The following METTL17 variants were observed in gnomAD, a reference collection of about 807,000 sequenced individuals.
METTL17 encodes ribosome assembly protein METTL17, mitochondrial.
A neutral mutation model predicts 59.4 loss-of-function variants in METTL17; 49 were observed. The ratio of observed to expected loss-of-function variants is 0.82; its 90% CI spans 0.66 to 1.05. The LOEUF is 1.05. Among genes scored for constraint, METTL17 ranks in the 50% least tolerant of loss-of-function variants. The pLI is 0.00. For synonymous variants in METTL17, 208 were observed against 209.2 expected (o/e 0.99, Z 0.05); for missense variants, 555 against 578.4 (o/e 0.96, Z 0.41).
chr14:20,991,983 C>T, intron 3 of METTL17, 141 bp from the exon 4 acceptor site: 1 of 692,412 alleles, frequency 1.4e-6, no homozygotes, highest in East Asian at 2.8e-5. Context: ...TGAAACTTTT[C>T]TCTAGGTTTG....
chr14:20,991,878 G>A, intron 3 of METTL17: 1 of 387,960 alleles, frequency 2.6e-6, no homozygotes, highest in Non-Finnish European at 4.6e-6. Context: ...ACAAACCTGT[G>A]GGACAGGATT....
In METTL17 at chr14:20,992,564, T is replaced by C; in HGVS notation, c.470T>C (p.Val157Ala). The change falls in exon 5 of 14, where the codon GTG becomes GCG. Residue 157 changes from valine to alanine, a missense_variant. Coordinates refer to ENST00000339374, the MANE Select transcript of METTL17 (RefSeq NM_022734.3). Reference sequence around the variant, plus strand: ...AGCTACACTGAGGGACTGAGCCTGGTGTATATGGCAGCAAGACTGGATGGT... The same window carrying C: ...AGCTACACTGAGGGACTGAGCCTGGCGTATATGGCAGCAAGACTGGATGGT... The part of the protein sequence containing the change: ...ELSYTEGLSL[V>A]YMAARLDGGF... 1 of 1,614,028 alleles carries C rather than the reference T, an allele frequency of 6.2e-7. No individual in the cohort carries two copies. Among genetic ancestry groups the C allele is most frequent in the Non-Finnish European group, 8.5e-7 (1 of 1,179,910 alleles).
Position 20,994,940 on chromosome 14 carries a change from A to G in METTL17, c.876+39A>G, listed in dbSNP as rs372491506. 94 of 1,489,426 alleles carry G rather than the reference A, an allele frequency of 6.3e-5. 1 individual carries two copies. The African/African-American group carries it at 9.8e-4, about 16-fold the overall frequency. 92.3% of individuals were successfully genotyped at this position (1,489,426 alleles called of 1,614,324 possible). On this transcript the variant is annotated intron_variant, in intron 9 of 13. Coordinates refer to ENST00000339374, the MANE Select transcript of METTL17 (RefSeq NM_022734.3). ...CCTTGTTCTCCTTAAGTCTTGAAGC[A>G]GCTTCATGGATTTCATGCCTTTGCT...
intron 3 of METTL17, among the ~76,000 whole-genome samples, chr14:20,991,042 A>C (rs1880007335): frequency 6.6e-6 from 1 of 152,104 alleles, no homozygotes; most frequent in South Asian, 2.1e-4. Flanking sequence ...TGGCCAGGCT[A>C]GTCTCGAACT....
Position 20,989,986 on chromosome 14 carries a change from G to A in METTL17, c.-17G>A. ...CACAGGCACCTGTATTTCCGTTTCCGGTTCGCCTCCGGAGCCATGGCGGCG... is the reference window on the plus strand; with the variant it reads ...CACAGGCACCTGTATTTCCGTTTCCAGTTCGCCTCCGGAGCCATGGCGGCG... On this transcript the variant is annotated 5_prime_UTR_variant, in exon 1 of 14. Transcript: ENST00000339374. 1.3e-6 allele frequency: 2 copies of A among 1,572,986 alleles called. No homozygotes were observed. The highest frequency in any genetic ancestry group is 1.7e-6 in the Non-Finnish European group (2 of 1,158,086).
chr14:20,994,589 A>G lies in METTL17; in HGVS notation c.744A>G (p.Arg248=). Residue 248 remains arginine, a synonymous_variant, in exon 8 of 14, where the codon AGA becomes AGG. Coordinates refer to ENST00000339374, the MANE Select transcript of METTL17 (RefSeq NM_022734.3). The stretch of plus-strand genomic sequence containing the variant: ...CTTATATTCCAGGTGTCTTTTTCAG[A>G]CAGTTTCTACCTGTATCACCCAAGG... The part of the protein sequence containing the change: ...GEPYIPGVFF[R]QFLPVSPKVQ... 5 of 1,614,184 alleles carry G rather than the reference A, an allele frequency of 3.1e-6. No individual in the cohort carries two copies. The highest frequency in any genetic ancestry group is 4.2e-6 in the Non-Finnish European group (5 of 1,180,004).
intron 6 of METTL17, chr14:20,993,553 G>A: frequency 8.0e-6 from 2 of 250,760 alleles, no homozygotes; most frequent in Non-Finnish European, 1.5e-5. Context: ...TCGGCTCACT[G>A]CAGCCTCCAC....
intron 8 of METTL17, 46 bp from the exon 9 acceptor site, chr14:20,994,748 G>A (rs1880258423): frequency 6.5e-7 from 1 of 1,544,312 alleles, no homozygotes; most frequent in Non-Finnish European, 9.0e-7. Flanking sequence ...GTATTCTTGG[G>A]ATGTAGAGAT....
Position 20,990,395 on chromosome 14 carries a change from C to T in METTL17, c.229+12C>T. On this transcript the variant is annotated intron_variant, in intron 2 of 13. Transcript: ENST00000339374. Reference sequence around the variant, plus strand: ...GTTATTGCTACTTGGTGAGTAACGGCGGGAAAGCGAGAAGAAACGGGACTG... The same window carrying T: ...GTTATTGCTACTTGGTGAGTAACGGTGGGAAAGCGAGAAGAAACGGGACTG... The T allele has an allele frequency of 1.9e-6, 3 of 1,613,448 alleles. No homozygotes were observed. Among genetic ancestry groups the T allele is most frequent in the South Asian group, 2.2e-5 (2 of 91,062 alleles).
At chr14:20,994,443 C>T (rs1880239154) in intron 7 of METTL17, 100 bp from the exon 8 acceptor site, 2 of 1,021,598 alleles carry the variant, frequency 2.0e-6, no homozygotes, top group Non-Finnish European at 3.1e-6. Context: ...TTTTGATATA[C>T]ACTTTACCTA....
At chr14:20,994,745 T>C in intron 8 of METTL17, 49 bp from the exon 9 acceptor site, 1 of 1,547,684 alleles carries the variant, frequency 6.5e-7, no homozygotes, top group Non-Finnish European at 8.9e-7. Context: ...GTTGTATTCT[T>C]GGGATGTAGA....
rs1353470200 is a variant in METTL17, at chr14:20,994,575, G to T, written c.730G>T (p.Gly244Cys). ...GSESGEPYIPGVFFRQFLPVS... is the reference protein window; with the variant it reads ...GSESGEPYIPCVFFRQFLPVS... Reference sequence around the variant, plus strand: ...AGAATCTGGGGAGCCTTATATTCCAGGTGTCTTTTTCAGACAGTTTCTACC... The same window carrying T: ...AGAATCTGGGGAGCCTTATATTCCATGTGTCTTTTTCAGACAGTTTCTACC... The change falls in exon 8 of 14, where the codon GGT becomes TGT. Residue 244 changes from glycine to cysteine, a missense_variant. Transcript: ENST00000339374. The T allele has an allele frequency of 1.9e-6, 3 of 1,614,162 alleles. No individual in the cohort carries two copies. The East Asian group carries it at 6.7e-5, about 36-fold the overall frequency.
Position 20,990,046 on chromosome 14 carries a change from G to T in METTL17, c.44G>T (p.Cys15Phe). The change falls in exon 1 of 14, where the codon TGC becomes TTC. Residue 15 changes from cysteine (C) to phenylalanine (F), a missense_variant. Coordinates refer to ENST00000339374, the MANE Select transcript of METTL17 (RefSeq NM_022734.3). The stretch of plus-strand genomic sequence containing the variant: ...TGTCTACTGACATTAGGAAGATGGT[G>T]CCCCGGCCTTGGAGTGGCTCCCCAG... Reference protein sequence around the residue: ...LKCLLTLGRWCPGLGVAPQAR... With the variant: ...LKCLLTLGRWFPGLGVAPQAR... The T allele has an allele frequency of 6.2e-7, 1 of 1,613,260 alleles. No individual in the cohort carries two copies. The highest frequency in any genetic ancestry group is 8.5e-7 in the Non-Finnish European group (1 of 1,179,884).
Position 20,990,049 on chromosome 14 carries a change from C to A in METTL17, c.47C>A (p.Pro16His). 1 of 1,613,322 alleles carries A rather than the reference C, an allele frequency of 6.2e-7. No homozygotes were observed. The highest frequency in any genetic ancestry group is 1.7e-5 in the Admixed American group (1 of 60,020). Residue 16 changes from proline (P) to histidine (H), a missense_variant, in exon 1 of 14, where the codon CCC becomes CAC. By Grantham distance (77) the Pro-to-His change is moderately conservative. Transcript: ENST00000339374. Reference sequence around the variant, plus strand: ...CTACTGACATTAGGAAGATGGTGCCCCGGCCTTGGAGTGGCTCCCCAGGCC... The same window carrying A: ...CTACTGACATTAGGAAGATGGTGCCACGGCCTTGGAGTGGCTCCCCAGGCC... ...KCLLTLGRWC[P>H]GLGVAPQARA... is the part of the protein sequence containing the mutation.
chr14:20,995,841 T>G, intron 10 of METTL17, 60 bp from the exon 11 acceptor site: 2 of 1,402,158 alleles, frequency 1.4e-6, no homozygotes, highest in South Asian at 2.3e-5. Context: ...AGTGCAGAGA[T>G]TGAATTATGA....
chr14:20,990,086 C>T lies in METTL17; in HGVS notation c.75+9C>T. 6.2e-7 allele frequency: 1 copy of T among 1,612,932 alleles called. No homozygotes were observed. Among genetic ancestry groups the T allele is most frequent in the Non-Finnish European group, 8.5e-7 (1 of 1,180,022 alleles). Reference sequence around the variant, plus strand: ...TGGCTCCCCAGGCCCGGGTGAGTGCCTACATTCCCTGCTGTCGGAGAGACT... The same window carrying T: ...TGGCTCCCCAGGCCCGGGTGAGTGCTTACATTCCCTGCTGTCGGAGAGACT... On this transcript the variant is annotated intron_variant, in intron 1 of 13. Transcript: ENST00000339374.
rs144245947 is a variant in METTL17 at position 20,993,134 on chromosome 14, C to T, written c.545C>T (p.Pro182Leu). ...RAFHEIRARN[P>L]AFQPQTLMDF... ...TTTCTTCAGATCCGGGCTCGAAATC[C>T]AGCATTTCAGCCACAAACTTTGATG... is the stretch of plus-strand genomic sequence containing the variant. The change falls in exon 6 of 14, where the codon CCA (proline) becomes CTA (leucine). Residue 182 changes from proline to leucine, a missense_variant. Coordinates refer to ENST00000339374, the MANE Select transcript of METTL17 (RefSeq NM_022734.3). The T allele has an allele frequency of 1.9e-6, 3 of 1,614,132 alleles. No individual in the cohort carries two copies. The highest frequency in any genetic ancestry group is 2.5e-6 in the Non-Finnish European group (3 of 1,180,010).
In METTL17 at chr14:20,995,784, G is replaced by C. The variant is rs143278200; in HGVS notation, c.946-117G>C. 152 of 768,728 alleles carry C rather than the reference G, an allele frequency of 2.0e-4. No homozygotes were observed. In the African/African-American group the frequency reaches 2.3e-3, roughly 12 times the overall value. The allele number at this position is 768,728 out of a possible 1,614,324, so 47.6% of individuals were successfully genotyped here. Reference sequence around the variant, plus strand: ...CAGCCAGCTTAATTCAAAGGACATAGTCAATCGTTATTAGAATTGAGTGTT... The same window carrying C: ...CAGCCAGCTTAATTCAAAGGACATACTCAATCGTTATTAGAATTGAGTGTT... On this transcript the variant is annotated intron_variant, in intron 10 of 13. Transcript: ENST00000339374.
intron 11 of METTL17, 74 bp downstream of exon 11, chr14:20,996,025 G>C (rs1880349906): frequency 6.6e-7 from 1 of 1,517,590 alleles, no homozygotes; most frequent in Non-Finnish European, 9.2e-7. Context: ...AGATGGTAAA[G>C]CTAAGCCACT....
Sources: gnomAD v4.1 joint callset for allele counts (sites outside exome capture counted in the v4.1 genomes callset) on GRCh38, gnomAD v4.1.1 for gene constraint, MANE v1.5 for transcripts, NCBI Gene and HGNC (gene_info 2026-07-23, HGNC 2026-07-21) for gene names.